The following MBOAT2 variants were observed in gnomAD, a reference collection of about 807,000 sequenced individuals.
MBOAT2 encodes the protein membrane bound glycerophospholipid O-acyltransferase 2.
Under a neutral mutation model 63.4 loss-of-function variants are expected in MBOAT2, and 28 were observed. The ratio of observed to expected loss-of-function variants is 0.44; its 90% CI spans 0.33 to 0.61. The LOEUF (loss-of-function observed/expected upper bound fraction) is 0.61. MBOAT2 is among the 20% of genes least tolerant of loss of function. The pLI is 0.03. For missense variants in MBOAT2, 470 were observed against 605.8 expected (o/e 0.78, Z 2.35); for synonymous variants, 211 against 215.6 (o/e 0.98, Z 0.19).
intron 1 of MBOAT2, among the ~76,000 whole-genome samples, chr2:8,966,184 C>T (rs558535033): frequency 1.3e-5 from 2 of 152,108 alleles, no homozygotes; most frequent in Admixed American, 6.6e-5. Context: ...GTTCAAAATG[C>T]GTAACAAACT....
At chr2:8,993,453 G>T (rs1672052858) in intron 1 of MBOAT2, among the ~76,000 whole-genome samples, 1 of 152,204 alleles carries the variant, frequency 6.6e-6, no homozygotes, top group African/African-American at 2.4e-5. Flanking sequence ...GCTGATTAGG[G>T]GAGCTCAGTC....
At chr2:8,900,558 T>G (rs936058906) in intron 4 of MBOAT2, among the ~76,000 whole-genome samples, 1 of 152,122 alleles carries the variant, frequency 6.6e-6, no homozygotes, top group African/African-American at 2.4e-5. Context: ...AGGAGACATA[T>G]CCAATAACCT....
chr2:8,893,775 A>G (rs1265070039), intron 4 of MBOAT2, among the ~76,000 whole-genome samples: 1 of 152,224 alleles, frequency 6.6e-6, no homozygotes, highest in Admixed American at 6.5e-5. Flanking sequence ...AACAAGAGTC[A>G]TTTAGTTTGG....
intron 5 of MBOAT2, among the ~76,000 whole-genome samples, chr2:8,884,938 T>C (rs1663439542): frequency 6.6e-6 from 1 of 152,178 alleles, no homozygotes; most frequent in African/African-American, 2.4e-5. Flanking sequence ...CAAGTCCAAG[T>C]GAGGCAGTGC....
chr2:8,971,871 T>C (rs1402514993), intron 1 of MBOAT2, among the ~76,000 whole-genome samples: 2 of 152,114 alleles, frequency 1.3e-5, no homozygotes, highest in South Asian at 2.1e-4. Context: ...TAAAAGAGGA[T>C]ACCAACAAAT....
At position 8,921,222 on chromosome 2, in the gene MBOAT2, T is replaced by C. The variant is rs1666542774; in HGVS notation, c.300-12506A>G. Reference sequence around the variant, plus strand: ...TGAACTATTTTAATTCCTCTGTTGATTCTTTCAATGTATACTTTTTATTTA... The same window carrying C: ...TGAACTATTTTAATTCCTCTGTTGACTCTTTCAATGTATACTTTTTATTTA... On this transcript the variant is annotated intron_variant, in intron 3 of 12. Transcript: ENST00000305997. 2.0e-5 allele frequency among the ~76,000 whole-genome samples: 3 copies of C among 152,206 alleles called. No homozygotes were observed. In the South Asian group the frequency reaches 6.2e-4, roughly 31 times the overall value.
chr2:8,885,213 C>T (rs917848550), intron 5 of MBOAT2, among the ~76,000 whole-genome samples: 2 of 152,192 alleles, frequency 1.3e-5, no homozygotes, highest in African/African-American at 2.4e-5. Context: ...AGTCAGGAAT[C>T]ATGGCGATGC....
chr2:8,952,758 G>A (rs1392362665), intron 2 of MBOAT2, among the ~76,000 whole-genome samples: 1 of 101,664 alleles, frequency 9.8e-6, no homozygotes, highest in African/African-American at 3.7e-5. Context: ...TTTTTTTACT[G>A]TTGCCGGTTT....
At chr2:8,948,822 T>C (rs550960659) in intron 2 of MBOAT2, among the ~76,000 whole-genome samples, 73 of 152,312 alleles carry the variant, frequency 4.8e-4, no homozygotes, top group African/African-American at 1.7e-3. Context: ...TGTGTCTTTT[T>C]GGTAGAATAA....
At chr2:8,986,453 C>G (rs898026745) in intron 1 of MBOAT2, among the ~76,000 whole-genome samples, 3 of 151,954 alleles carry the variant, frequency 2.0e-5, no homozygotes, top group African/African-American at 7.3e-5. Context: ...GTCCCAGCTA[C>G]TCAGGAGACT....
intron 9 of MBOAT2, among the ~76,000 whole-genome samples, chr2:8,867,810 T>C (rs1662011452): frequency 6.6e-6 from 1 of 152,236 alleles, no homozygotes; most frequent in Admixed American, 6.5e-5. Context: ...CTCTGCCTCT[T>C]GAGGGAAATA....
chr2:8,905,456 C>A (rs1395039676), intron 4 of MBOAT2, among the ~76,000 whole-genome samples: 1 of 152,170 alleles, frequency 6.6e-6, no homozygotes, highest in South Asian at 2.1e-4. Context: ...CAAAAGTTTT[C>A]TCCTATACTA....
intron 7 of MBOAT2, among the ~76,000 whole-genome samples, chr2:8,873,932 T>G (rs1371978380): frequency 1.3e-5 from 2 of 152,244 alleles, no homozygotes; most frequent in Admixed American, 1.3e-4. Flanking sequence ...TTTTTACAAC[T>G]CATGCTGTTT....
chr2:8,942,197 G>A (rs1490963627), intron 3 of MBOAT2, among the ~76,000 whole-genome samples: 1 of 152,162 alleles, frequency 6.6e-6, no homozygotes, highest in Non-Finnish European at 1.5e-5. Flanking sequence ...TACAACAGAG[G>A]TAGCGACTGA....
Position 8,885,219 on chromosome 2 carries a change from G to C in MBOAT2, c.452-2654C>G, listed in dbSNP as rs6753407. On this transcript the variant is annotated intron_variant, in intron 5 of 12. Coordinates refer to ENST00000305997, the MANE Select transcript of MBOAT2 (RefSeq NM_138799.4). ...TAAATTCGGAGTCAGGAATCATGGC[G>C]ATGCCAAACAACCACTGATTATCTC... Among the ~76,000 whole-genome samples, 1,040 of 152,250 alleles carry C rather than the reference G, an allele frequency of 6.8e-3. 18 individuals are homozygous for C. Among genetic ancestry groups the C allele is most frequent in the African/African-American group, 0.024 (999 of 41,554 alleles).
At chr2:8,891,461 G>A (rs1053669230) in intron 4 of MBOAT2, among the ~76,000 whole-genome samples, 2 of 152,208 alleles carry the variant, frequency 1.3e-5, no homozygotes, top group African/African-American at 4.8e-5. Flanking sequence ...GACTGTGCAG[G>A]AAGCATTTAC....
chr2:8,877,286 C>A, intron 6 of MBOAT2, 73 bp from the exon 7 acceptor site: 1 of 1,350,684 alleles, frequency 7.4e-7, no homozygotes, highest in African/African-American at 1.5e-5. Flanking sequence ...AACGATCCAC[C>A]TCACTGCTCT....
chr2:8,995,974 G>A (rs975881131), intron 1 of MBOAT2, among the ~76,000 whole-genome samples: 4 of 152,226 alleles, frequency 2.6e-5, no homozygotes, highest in Admixed American at 2.0e-4. Context: ...GGTGGTGGGA[G>A]GTGGGGGGAA....
At chr2:8,966,543 C>A (rs530216465) in intron 1 of MBOAT2, among the ~76,000 whole-genome samples, 2 of 152,244 alleles carry the variant, frequency 1.3e-5, no homozygotes, top group East Asian at 1.9e-4. Flanking sequence ...GCAAAACTTA[C>A]GTGCAGCTAC....
Sources: gnomAD v4.1 joint callset for allele counts (sites outside exome capture counted in the v4.1 genomes callset) on GRCh38, gnomAD v4.1.1 for gene constraint, MANE v1.5 for transcripts, NCBI Gene and HGNC (gene_info 2026-07-23, HGNC 2026-07-21) for gene names.